The following ANKH variants were observed in gnomAD, a reference collection of about 807,000 sequenced individuals.
ANKH encodes ANKH inorganic pyrophosphate transport regulator, also known as mineralization regulator ANKH.
Under a neutral mutation model 49.0 loss-of-function variants are expected in ANKH, and 15 were observed. The observed-to-expected ratio is 0.31, with a 90% CI of 0.20 to 0.47. The LOEUF is 0.47. ANKH is among the 20% of genes least tolerant of loss of function. The pLI, the probability that ANKH is intolerant of heterozygous loss-of-function variation, is 1.00. For synonymous variants in ANKH, 273 were observed against 260.0 expected, an observed-to-expected ratio of 1.05 and a Z score of -0.48; for missense variants, 429 against 652.0, an observed-to-expected ratio of 0.66 and a Z score of 3.72.
chr5:14,820,734 A>C (rs1419340742), intron 1 of ANKH, among the ~76,000 whole-genome samples: 1 of 152,242 alleles, frequency 6.6e-6, no homozygotes, highest in Non-Finnish European at 1.5e-5. Context: ...GTTAAGAAGA[A>C]GGCTCAGGGG....
Position 14,741,807 on chromosome 5 carries a change from G to A in ANKH, c.1011+20C>T. 1.3e-6 allele frequency: 2 copies of A among 1,597,046 alleles called. No individual in the cohort carries two copies. The highest frequency in any genetic ancestry group is 1.7e-6 in the Non-Finnish European group (2 of 1,164,534). On this transcript the variant is annotated intron_variant, in intron 8 of 11. Coordinates refer to ENST00000284268, the MANE Select transcript of ANKH (RefSeq NM_054027.6). ...AAAAACCAAACAGAGAGAAGAGGCA[G>A]AGAGAGCCTCTGTCCTTACCGTGAG... is the stretch of plus-strand genomic sequence containing the variant.
At chr5:14,738,487 A>G (rs1738253982) in intron 8 of ANKH, among the ~76,000 whole-genome samples, 1 of 152,174 alleles carries the variant, frequency 6.6e-6, no homozygotes. Context: ...ACGTTGGCCA[A>G]TGCGTGGAGG....
intron 1 of ANKH, among the ~76,000 whole-genome samples, chr5:14,817,062 C>T (rs1477427395): frequency 6.6e-6 from 1 of 152,170 alleles, no homozygotes; most frequent in African/African-American, 2.4e-5. Flanking sequence ...TAAAGTGCTT[C>T]AATTCTTTTA....
chr5:14,742,226 C>T (rs1203823422), intron 7 of ANKH, among the ~76,000 whole-genome samples: 1 of 152,240 alleles, frequency 6.6e-6, no homozygotes, highest in Non-Finnish European at 1.5e-5. Flanking sequence ...CTGAAGCCTG[C>T]TCCTGCCCCA....
intron 1 of ANKH, chr5:14,797,608 G>A: frequency 6.2e-7 from 1 of 1,608,068 alleles, no homozygotes; most frequent in Non-Finnish European, 8.5e-7. Flanking sequence ...GAGTGGCTTG[G>A]TTTGGAAGTA....
At chr5:14,721,710 C>T (rs1256821151) in intron 8 of ANKH, among the ~76,000 whole-genome samples, 6 of 152,178 alleles carry the variant, frequency 3.9e-5, no homozygotes, top group South Asian at 2.1e-4. Flanking sequence ...GTGGGAGGAT[C>T]ACAAGGTCAG....
rs75562198 is a variant in ANKH at position 14,862,513 on chromosome 5, A to T, written c.96+8839T>A. On this transcript the variant is annotated intron_variant, in intron 1 of 11. Coordinates refer to ENST00000284268, the MANE Select transcript of ANKH (RefSeq NM_054027.6). ...TATGAATGACCTATCTTGCAATTCC[A>T]TCTTCATCTTCTGCAGACCAGAGCT... Among the ~76,000 whole-genome samples the T allele has an allele frequency of 5.8e-3, 885 of 152,252 alleles. 9 individuals carry two copies. The highest frequency in any genetic ancestry group is 9.3e-3 in the Non-Finnish European group (632 of 67,994).
rs1561014034 is a variant in ANKH, at chr5:14,709,684, T to G, written c.*1513A>C. 6.6e-6 allele frequency: 1 copy of G among 152,624 alleles called. No homozygotes were observed. Among genetic ancestry groups the G allele is most frequent in the Non-Finnish European group, 1.5e-5 (1 of 68,036 alleles). The allele number at this position is 152,624 out of a possible 1,614,324, so 9.5% of individuals were successfully genotyped here. A position where few individuals can be genotyped will look rare whatever the true frequency, so the allele number is the denominator to read the frequency against. On this transcript the variant is annotated 3_prime_UTR_variant, in exon 12 of 12. Coordinates refer to ENST00000284268, the MANE Select transcript of ANKH (RefSeq NM_054027.6). ...CCCAGTTACCCATAATGAAAAATAG[T>G]TCTGTCATTTACTGAGCCTTACATT...
intron 1 of ANKH, among the ~76,000 whole-genome samples, chr5:14,814,944 T>C (rs1273856573): frequency 1.3e-5 from 2 of 152,206 alleles, no homozygotes; most frequent in Non-Finnish European, 2.9e-5. Context: ...CCCTTTTACT[T>C]TATCCGTACT....
At chr5:14,838,826 T>C (rs1741734733) in intron 1 of ANKH, among the ~76,000 whole-genome samples, 1 of 152,142 alleles carries the variant, frequency 6.6e-6, no homozygotes, top group Non-Finnish European at 1.5e-5. Flanking sequence ...TGCCAGTGTA[T>C]ACAAACTGCA....
At chr5:14,807,330 G>A (rs1227383400) in intron 1 of ANKH, among the ~76,000 whole-genome samples, 1 of 152,006 alleles carries the variant, frequency 6.6e-6, no homozygotes, top group East Asian at 1.9e-4. Context: ...GGCCAGGCTG[G>A]TCTTGAACTC....
At chr5:14,756,010 G>T in intron 3 of ANKH, 66 bp from the exon 4 acceptor site, 1 of 1,354,886 alleles carries the variant, frequency 7.4e-7, no homozygotes. Context: ...TGGTTGTTGA[G>T]ATTTACTGGG....
At chr5:14,774,317 A>C (rs1197737033) in intron 1 of ANKH, among the ~76,000 whole-genome samples, 2 of 152,214 alleles carry the variant, frequency 1.3e-5, no homozygotes, top group East Asian at 3.8e-4. Context: ...TCTTCCTGAA[A>C]CTTATGAAGT....
intron 1 of ANKH, among the ~76,000 whole-genome samples, chr5:14,784,626 C>T (rs1170509136): frequency 1.3e-5 from 2 of 152,168 alleles, no homozygotes; most frequent in African/African-American, 4.8e-5. Flanking sequence ...GGAGGCATTT[C>T]CCTCTAAACA....
chr5:14,712,822 CTGCACCCAGGAGGA>C (rs1380157802), intron 11 of ANKH, 38 bp downstream of exon 11: 29 of 1,521,196 alleles, frequency 1.9e-5, no homozygotes, highest in East Asian at 4.8e-5. Flanking sequence ...TCAGGTTCTC[CTGCACCCAGGAGGA>C]TGCACCCGGG....
chr5:14,751,201 T>C lies in ANKH; in HGVS notation c.555A>G (p.Glu185=), dbSNP rs1157256804. 1 of 1,614,158 alleles carries C rather than the reference T, an allele frequency of 6.2e-7. No homozygotes were observed. Among genetic ancestry groups the C allele is most frequent in the Non-Finnish European group, 8.5e-7 (1 of 1,180,036 alleles). The stretch of plus-strand genomic sequence containing the variant: ...TCGGGATGAGCAGGGGCTCCCGGCA[T>C]TCCAGGTGACTGTGAAGCAAAATGG... ...FVAILLHSHL[E]CREPLLIPIL... is the part of the protein sequence containing the mutation. The change falls in exon 5 of 12, where the codon GAA becomes GAG. Residue 185 remains glutamate, a synonymous_variant. Coordinates refer to ENST00000284268, the MANE Select transcript of ANKH (RefSeq NM_054027.6).
At position 14,835,195 on chromosome 5, in the gene ANKH, T is replaced by C. The variant is rs1580105342; in HGVS notation, c.96+36157A>G. 2.6e-5 allele frequency among the ~76,000 whole-genome samples: 4 copies of C among 152,344 alleles called. No individual in the cohort carries two copies. In the South Asian group the frequency reaches 8.3e-4, roughly 32 times the overall value. ...TAAATTTTAAAGTGCTTCACATATGTATATTTTATGACCAGGCTTAACTGG... is the reference window on the plus strand; with the variant it reads ...TAAATTTTAAAGTGCTTCACATATGCATATTTTATGACCAGGCTTAACTGG... On this transcript the variant is annotated intron_variant, in intron 1 of 11. Coordinates refer to ENST00000284268, the MANE Select transcript of ANKH (RefSeq NM_054027.6).
chr5:14,820,574 GGGCA>G (rs1385569581), intron 1 of ANKH, among the ~76,000 whole-genome samples: 2 of 152,200 alleles, frequency 1.3e-5, no homozygotes, highest in African/African-American at 4.8e-5. Flanking sequence ...TTCTTGCTGA[GGGCA>G]GGCCAACGGC....
chr5:14,757,271 T>A (rs1230660813), intron 3 of ANKH, among the ~76,000 whole-genome samples: 1 of 152,022 alleles, frequency 6.6e-6, no homozygotes, highest in Admixed American at 6.6e-5. Flanking sequence ...ACTTACATCA[T>A]GCATCTAACT....
Sources: gnomAD v4.1 joint callset for allele counts (sites outside exome capture counted in the v4.1 genomes callset) on GRCh38, gnomAD v4.1.1 for gene constraint, MANE v1.5 for transcripts, NCBI Gene and HGNC (gene_info 2026-07-23, HGNC 2026-07-21) for gene names.